CPN1: variants seen among roughly 807,000 people sequenced by gnomAD.
CPN1 encodes the protein carboxypeptidase N catalytic chain.
CPN1 carries 37 observed loss-of-function variants against 46.4 expected under a neutral mutation model. That is an observed-to-expected ratio of 0.80 (90% CI 0.61 to 1.05). The LOEUF is 1.05. Ranked by LOEUF, CPN1 falls within the 50% of genes least tolerant of loss-of-function variation. CPN1 has a pLI of 0.00. For synonymous variants in CPN1, 224 were observed against 235.4 expected (o/e 0.95, Z 0.44); for missense variants, 563 against 602.6 (o/e 0.93, Z 0.69).
In CPN1 at chr10:100,081,808, C is replaced by T. The variant is rs554398066; in HGVS notation, c.-183G>A. The T allele has an allele frequency of 7.8e-6, 5 of 644,184 alleles. No individual in the cohort carries two copies. The East Asian group carries it at 1.4e-4, about 18-fold the overall frequency. 39.9% of individuals were successfully genotyped at this position (644,184 alleles called of 1,614,324 possible). A position where few individuals can be genotyped will look rare whatever the true frequency, so the allele number is the denominator to read the frequency against. ...AATTCTTTATGTCGTTCTGGAATAG[C>T]CACTCATCTCTCCTCCCTCACTCCC... is the stretch of plus-strand genomic sequence containing the variant. On this transcript the variant is annotated 5_prime_UTR_variant, in exon 1 of 9. Coordinates refer to ENST00000370418, the MANE Select transcript of CPN1 (RefSeq NM_001308.3).
At chr10:100,071,975 G>A (rs923332755) in intron 2 of CPN1, among the ~76,000 whole-genome samples, 2 of 152,150 alleles carry the variant, frequency 1.3e-5, no homozygotes, top group Non-Finnish European at 2.9e-5. Flanking sequence ...AGGTGAATGC[G>A]AATTTTGGCG....
intron 8 of CPN1, among the ~76,000 whole-genome samples, 181 bp downstream of exon 8, chr10:100,048,577 C>T (rs2041328805): frequency 6.6e-6 from 1 of 152,038 alleles, no homozygotes; most frequent in African/African-American, 2.4e-5. Context: ...TGCTTATACT[C>T]ACTCCCAGCT....
chr10:100,079,870 A>T (rs1381109378), intron 1 of CPN1, among the ~76,000 whole-genome samples: 5 of 152,210 alleles, frequency 3.3e-5, no homozygotes, highest in African/African-American at 1.2e-4. Context: ...GGATCACTTG[A>T]GGTCAGGAGT....
At chr10:100,069,007 G>A (rs1426755325) in intron 3 of CPN1, among the ~76,000 whole-genome samples, 1 of 152,234 alleles carries the variant, frequency 6.6e-6, no homozygotes, top group Non-Finnish European at 1.5e-5. Context: ...CTACCTGTGA[G>A]AATGTAAATT....
chr10:100,065,719 CA>C (rs1228277074), intron 3 of CPN1, among the ~76,000 whole-genome samples: 1 of 151,378 alleles, frequency 6.6e-6, no homozygotes, highest in Non-Finnish European at 1.5e-5. Context: ...TGCACAATAC[CA>C]AGAGAGCAGT....
intron 1 of CPN1, among the ~76,000 whole-genome samples, chr10:100,079,456 T>C (rs1330277546): frequency 6.6e-6 from 1 of 152,204 alleles, no homozygotes; most frequent in Non-Finnish European, 1.5e-5. Flanking sequence ...AAGAAGGCCT[T>C]GAAAGCTAGA....
Position 100,042,335 on chromosome 10 carries a change from A to G in CPN1, c.*92T>C, listed in dbSNP as rs2133420918. ...TTGTTCTGAATATGTTTGTATTTAAATATGTCCCAGATAATAAAATAGAAA... is the reference window on the plus strand; with the variant it reads ...TTGTTCTGAATATGTTTGTATTTAAGTATGTCCCAGATAATAAAATAGAAA... On this transcript the variant is annotated 3_prime_UTR_variant, in exon 9 of 9. Transcript: ENST00000370418. The G allele has an allele frequency of 6.6e-7, 1 of 1,511,234 alleles. No homozygotes were observed. The highest frequency in any genetic ancestry group is 1.1e-5 in the South Asian group (1 of 88,524). The allele number at this position is 1,511,234 out of a possible 1,614,324, so 93.6% of individuals were successfully genotyped here.
intron 3 of CPN1, 142 bp downstream of exon 3, chr10:100,069,572 A>G (rs1399846884): frequency 1.0e-6 from 1 of 959,446 alleles, no homozygotes; most frequent in East Asian, 2.4e-5. Context: ...AATATATATT[A>G]TTGCTCTAGA....
intron 7 of CPN1, among the ~76,000 whole-genome samples, chr10:100,053,001 A>G (rs1005883426): frequency 2.0e-5 from 3 of 152,204 alleles, no homozygotes; most frequent in African/African-American, 7.2e-5. Context: ...GGCTGTGCTC[A>G]TAAGGATGAT....
chr10:100,056,196 T>C (rs2041383598), intron 6 of CPN1, among the ~76,000 whole-genome samples: 1 of 152,228 alleles, frequency 6.6e-6, no homozygotes, highest in African/African-American at 2.4e-5. Context: ...CCTAATCAAT[T>C]TGAGGTGGAA....
chr10:100,047,990 C>T (rs1194857232), intron 8 of CPN1, among the ~76,000 whole-genome samples: 1 of 151,948 alleles, frequency 6.6e-6, no homozygotes, highest in Non-Finnish European at 1.5e-5. Context: ...GAAACCCCCT[C>T]TCAAAATAAC....
At chr10:100,052,630 C>T (rs1404881264) in intron 7 of CPN1, among the ~76,000 whole-genome samples, 2 of 152,126 alleles carry the variant, frequency 1.3e-5, no homozygotes, top group Non-Finnish European at 2.9e-5. Context: ...CTTTGGGAGG[C>T]TGAGGCAGGC....
rs1287062961 is a variant in CPN1 at position 100,075,935 on chromosome 10, G to A, written c.396C>T (p.Asp132=). ...CCTGGGCAGCAGCCACCTCGTAGCC[G>A]TCGGGGTTCATGGATGGCAGGATGT... The part of the protein sequence containing the change: ...RIHILPSMNP[D]GYEVAAAQGP... Residue 132 remains aspartate, a synonymous_variant, in exon 2 of 9, where the codon GAC becomes GAT. Coordinates refer to ENST00000370418, the MANE Select transcript of CPN1 (RefSeq NM_001308.3). 2.9e-5 allele frequency: 47 copies of A among 1,613,988 alleles called. No homozygotes were observed. The highest frequency in any genetic ancestry group is 3.6e-5 in the Non-Finnish European group (43 of 1,180,044).
intron 5 of CPN1, among the ~76,000 whole-genome samples, chr10:100,057,843 A>G (rs2041394184): frequency 6.6e-6 from 1 of 152,168 alleles, no homozygotes; most frequent in African/African-American, 2.4e-5. Context: ...CACTGTAAAG[A>G]GATAATGATT....
At chr10:100,079,619 C>T (rs1201943545) in intron 1 of CPN1, among the ~76,000 whole-genome samples, 1 of 152,184 alleles carries the variant, frequency 6.6e-6, no homozygotes, top group African/African-American at 2.4e-5. Context: ...GGCAATTATC[C>T]CAGGTAACCC....
intron 6 of CPN1, 40 bp downstream of exon 6, chr10:100,056,971 TTC>T: frequency 6.2e-7 from 1 of 1,613,828 alleles, no homozygotes; most frequent in Non-Finnish European, 8.5e-7. Flanking sequence ...TGAGAAGCAC[TTC>T]TCTTTTTGCA....
chr10:100,048,374 G>A (rs562228382), intron 8 of CPN1, among the ~76,000 whole-genome samples: 95 of 152,194 alleles, frequency 6.2e-4, no homozygotes, highest in African/African-American at 2.0e-3. Context: ...GAAAGAAGCT[G>A]GGCAAAGATT....
At chr10:100,049,712 T>G (rs1482150423) in intron 7 of CPN1, among the ~76,000 whole-genome samples, 1 of 152,208 alleles carries the variant, frequency 6.6e-6, no homozygotes, top group Non-Finnish European at 1.5e-5. Flanking sequence ...CAGCCTGGCT[T>G]TTCTTAATAG....
chr10:100,048,928 A>C, intron 7 of CPN1, 52 bp from the exon 8 acceptor site: 1 of 1,411,332 alleles, frequency 7.1e-7, no homozygotes, highest in Non-Finnish European at 1.0e-6. Flanking sequence ...TCTGTCCCAA[A>C]TAAGCTAGGG....
Sources: gnomAD v4.1 joint callset for allele counts (sites outside exome capture counted in the v4.1 genomes callset) on GRCh38, gnomAD v4.1.1 for gene constraint, MANE v1.5 for transcripts, NCBI Gene and HGNC (gene_info 2026-07-23, HGNC 2026-07-21) for gene names.